Variants in GPC5 observed in about 807,000 individuals in gnomAD.
GPC5 encodes glypican-5.
A neutral mutation model predicts 53.9 loss-of-function variants in GPC5; 47 were observed. The observed-to-expected ratio is 0.87, with a 90% confidence interval of 0.69 to 1.11. The LOEUF is 1.11. Ranked by LOEUF, GPC5 falls within the 50% of genes most tolerant of loss-of-function variation. The pLI is 0.00. For synonymous variants in GPC5, 286 were observed against 263.3 expected (o/e 1.09, Z -0.84); for missense variants, 748 against 713.1 (o/e 1.05, Z -0.56).
chr13:91,902,420 TC>T, intron 5 of GPC5, among the ~76,000 whole-genome samples: 1 of 152,098 alleles, frequency 6.6e-6, no homozygotes. Flanking sequence ...TTGCCTTTTT[TC>T]CTTGTTAATG....
chr13:91,463,858 A>G (rs113481196), intron 2 of GPC5, among the ~76,000 whole-genome samples: 3,474 of 152,210 alleles, frequency 0.023, 65 homozygotes, highest in South Asian at 0.038. Context: ...CTAGAAGAAC[A>G]GTTCTTAGAT....
In GPC5 at chr13:91,714,135, C is replaced by A. The variant is rs531240027; in HGVS notation, c.1021-14397C>A. On this transcript the variant is annotated intron_variant, in intron 3 of 7. Transcript: ENST00000377067. Reference sequence around the variant, plus strand: ...AGACTATTTATCTGCCTTTCAAATTCTCAGTCCTATTCTCTCACCAACAAC... The same window carrying A: ...AGACTATTTATCTGCCTTTCAAATTATCAGTCCTATTCTCTCACCAACAAC... 5.9e-5 allele frequency among the ~76,000 whole-genome samples: 9 copies of A among 152,286 alleles called. No homozygotes were observed. The South Asian group carries it at 1.9e-3, about 32-fold the overall frequency.
At chr13:91,433,657 A>T (rs1249054622) in intron 1 of GPC5, among the ~76,000 whole-genome samples, 3 of 151,970 alleles carry the variant, frequency 2.0e-5, no homozygotes, top group Non-Finnish European at 2.9e-5. Flanking sequence ...GCCACAATAA[A>T]CATACGTGTG....
At chr13:92,806,023 G>T (rs1232232342) in intron 7 of GPC5, among the ~76,000 whole-genome samples, 1 of 151,962 alleles carries the variant, frequency 6.6e-6, no homozygotes, top group African/African-American at 2.4e-5. Context: ...TAGTTCTCTA[G>T]CTATGAAAGT....
intron 7 of GPC5, among the ~76,000 whole-genome samples, chr13:92,441,726 G>T (rs1877574456): frequency 6.6e-6 from 1 of 152,034 alleles, no homozygotes; most frequent in African/African-American, 2.4e-5. Flanking sequence ...TTATAAACTG[G>T]AAAAATCACT....
intron 7 of GPC5, among the ~76,000 whole-genome samples, chr13:92,763,977 C>G (rs937130087): frequency 1.3e-5 from 2 of 152,148 alleles, no homozygotes; most frequent in Non-Finnish European, 2.9e-5. Flanking sequence ...ATCCCAGACT[C>G]TCAGTGGACT....
intron 4 of GPC5, among the ~76,000 whole-genome samples, chr13:91,747,941 T>G (rs556849264): frequency 6.6e-6 from 1 of 152,322 alleles, no homozygotes; most frequent in Admixed American, 6.5e-5. Flanking sequence ...AGGGTTGGAC[T>G]AAGTCACTGG....
chr13:91,465,095 C>T (rs1194569729), intron 2 of GPC5, among the ~76,000 whole-genome samples: 1 of 152,138 alleles, frequency 6.6e-6, no homozygotes, highest in Admixed American at 6.6e-5. Context: ...TGTCTCAGCT[C>T]TCAAGTTACT....
At position 92,720,708 on chromosome 13, in the gene GPC5, T is replaced by C. The variant is rs558119542; in HGVS notation, c.1562-145574T>C. On this transcript the variant is annotated intron_variant, in intron 7 of 7. Coordinates refer to ENST00000377067, the MANE Select transcript of GPC5 (RefSeq NM_004466.6). ...CTTATTCTTATGACAAATGTGGTCA[T>C]GGTCATAGAAAAAAAGACTACATAG... Among the ~76,000 whole-genome samples the C allele has an allele frequency of 6.6e-5, 10 of 152,272 alleles. No individual in the cohort carries two copies. The South Asian group carries it at 1.9e-3, about 28-fold the overall frequency.
chr13:92,063,658 T>G (rs2352485), intron 6 of GPC5, among the ~76,000 whole-genome samples: 2 of 152,154 alleles, frequency 1.3e-5, no homozygotes, highest in African/African-American at 4.8e-5. Flanking sequence ...AATTTGAAGG[T>G]GAGATCAAAA....
chr13:91,670,716 C>A (rs2035224991), intron 2 of GPC5, among the ~76,000 whole-genome samples: 2 of 152,072 alleles, frequency 1.3e-5, no homozygotes, highest in South Asian at 4.1e-4. Flanking sequence ...GAGGGCGGGG[C>A]ATAAACTGTA....
intron 5 of GPC5, among the ~76,000 whole-genome samples, chr13:91,795,325 A>T (rs1427156511): frequency 4.6e-5 from 7 of 152,236 alleles, no homozygotes; most frequent in African/African-American, 1.7e-4. Flanking sequence ...AAAAAGTGAA[A>T]TCGCATTAAA....
At chr13:92,338,534 G>A (rs1338033770) in intron 7 of GPC5, among the ~76,000 whole-genome samples, 2 of 151,964 alleles carry the variant, frequency 1.3e-5, no homozygotes, top group African/African-American at 4.8e-5. Context: ...ACATAAATGT[G>A]GTACATCCTA....
At position 92,125,031 on chromosome 13, in the gene GPC5, C is replaced by T. The variant is rs79164052; in HGVS notation, c.1402-19799C>T. 3.9e-5 allele frequency among the ~76,000 whole-genome samples: 6 copies of T among 152,272 alleles called. No homozygotes were observed. In the East Asian group the frequency reaches 1.2e-3, roughly 29 times the overall value. ...AAGGAACTATGTCTTGCCTCTTGCT[C>T]ACCACCCCCAACTCTTGCTGGCATT... On this transcript the variant is annotated intron_variant, in intron 6 of 7. Coordinates refer to ENST00000377067, the MANE Select transcript of GPC5 (RefSeq NM_004466.6).
intron 7 of GPC5, among the ~76,000 whole-genome samples, chr13:92,537,040 T>C (rs1451315128): frequency 2.0e-5 from 3 of 152,226 alleles, no homozygotes. Flanking sequence ...TCCTTGTTTT[T>C]AGCTTACAAT....
At chr13:91,528,208 G>C (rs1886175906) in intron 2 of GPC5, among the ~76,000 whole-genome samples, 1 of 152,136 alleles carries the variant, frequency 6.6e-6, no homozygotes, top group Non-Finnish European at 1.5e-5. Flanking sequence ...TTAAACATAA[G>C]TTACAATTTC....
intron 7 of GPC5, among the ~76,000 whole-genome samples, chr13:92,190,905 C>G (rs1239499573): frequency 6.6e-6 from 1 of 151,900 alleles, no homozygotes; most frequent in Non-Finnish European, 1.5e-5. Flanking sequence ...TCTAAATATA[C>G]CAATTAAAAG....
chr13:91,542,685 A>AT (rs1390063971), intron 2 of GPC5, among the ~76,000 whole-genome samples: 1 of 151,342 alleles, frequency 6.6e-6, no homozygotes, highest in Non-Finnish European at 1.5e-5. Context: ...AATTTTTTTT[A>AT]TTTTTTTATT....
chr13:92,570,766 C>G (rs1882998372), intron 7 of GPC5, among the ~76,000 whole-genome samples: 1 of 152,062 alleles, frequency 6.6e-6, no homozygotes. Flanking sequence ...TGAAATTTAA[C>G]TACAATTATA....
Sources: allele counts gnomAD v4.1 joint callset (sites outside exome capture counted in the v4.1 genomes callset), GRCh38; gene constraint gnomAD v4.1.1; transcripts MANE v1.5; gene names NCBI Gene and HGNC (gene_info 2026-07-23, HGNC 2026-07-21).